NTRK3: variants seen among roughly 807,000 people sequenced by gnomAD.
The protein encoded by NTRK3 is neurotrophic receptor tyrosine kinase 3, also known as NT-3 growth factor receptor.
In NTRK3, 24 loss-of-function variants were observed where a neutral mutation model predicts 91.7. The ratio of observed to expected loss-of-function variants is 0.26; its 90% CI spans 0.19 to 0.37. The LOEUF is 0.37. Among genes scored for constraint, NTRK3 ranks in the 10% least tolerant of loss-of-function variants. The pLI is 1.00. For synonymous variants in NTRK3, 483 were observed against 404.0 expected (o/e 1.20, Z -2.34); for missense variants, 880 against 1,068.9 (o/e 0.82, Z 2.46).
At chr15:87,928,328 G>A (rs1292135075) in intron 17 of NTRK3, 2 of 152,142 alleles carry the variant, frequency 1.3e-5, no homozygotes, top group African/African-American at 4.8e-5. Context: ...GTTTGCAGAA[G>A]TTATCTCTGT....
chr15:88,031,748 C>T (rs1396016132), intron 14 of NTRK3, among the ~76,000 whole-genome samples: 1 of 152,112 alleles, frequency 6.6e-6, no homozygotes, highest in Non-Finnish European at 1.5e-5. Context: ...ATGGGGGTAG[C>T]CCAGTGCCCA....
At chr15:87,968,683 A>G (rs2072997641) in intron 14 of NTRK3, among the ~76,000 whole-genome samples, 1 of 152,066 alleles carries the variant, frequency 6.6e-6, no homozygotes. Context: ...CCAAAAGTTG[A>G]CTCCATGTGT....
At position 88,078,337 on chromosome 15, in the gene NTRK3, G is replaced by A. The variant is rs144175065; in HGVS notation, c.1397-45292C>T. ...CATGGCACGTCCCAACAGGTGCTTCGATAATAGTAAAGTGGGGTTAAAGAA... is the reference window on the plus strand; with the variant it reads ...CATGGCACGTCCCAACAGGTGCTTCAATAATAGTAAAGTGGGGTTAAAGAA... On this transcript the variant is annotated intron_variant, in intron 13 of 18. Coordinates refer to ENST00000394480, the Ensembl canonical transcript of NTRK3. Among the ~76,000 whole-genome samples, 8 of 152,284 alleles carry A rather than the reference G, an allele frequency of 5.3e-5. No homozygotes were observed. The East Asian group carries it at 9.7e-4, about 18-fold the overall frequency.
At chr15:88,041,846 A>G (rs1373691224) in intron 13 of NTRK3, among the ~76,000 whole-genome samples, 3 of 151,560 alleles carry the variant, frequency 2.0e-5, no homozygotes, top group African/African-American at 4.8e-5. Context: ...AAAAAAAAAA[A>G]AAGGGCTTGT....
intron 17 of NTRK3, among the ~76,000 whole-genome samples, chr15:87,892,077 ATC>A (rs2065880408): frequency 1.4e-5 from 1 of 73,324 alleles, no homozygotes; most frequent in Non-Finnish European, 3.2e-5. Context: ...AGTTGCCCCC[ATC>A]CCCAACACAC....
intron 17 of NTRK3, among the ~76,000 whole-genome samples, chr15:87,902,440 T>G (rs939485156): frequency 6.6e-6 from 1 of 152,208 alleles, no homozygotes; most frequent in Non-Finnish European, 1.5e-5. Flanking sequence ...GCCTTGATTG[T>G]TTGGAAATCT....
At position 88,248,516 on chromosome 15, in the gene NTRK3, TTGTG is replaced by T. The variant is rs4034650; in HGVS notation, c.248+7386_248+7389del. Among the ~76,000 whole-genome samples, 184 of 150,488 alleles carry T rather than the reference TTGTG, an allele frequency of 1.2e-3. 1 individual carries two copies. Among genetic ancestry groups the T allele is most frequent in the Middle Eastern group, 3.4e-3 (1 of 294 alleles). On this transcript the variant is annotated intron_variant, in intron 3 of 18. Transcript: ENST00000394480. Reference sequence around the variant, plus strand: ...TATTTTTAACTTAATAGTAATATATTTGTGTGTGTGTGTGTGTGTGTGCATGTGT... The same window carrying T: ...TATTTTTAACTTAATAGTAATATATTTGTGTGTGTGTGTGTGTGCATGTGT...
chr15:88,184,655 A>G (rs144275618), intron 3 of NTRK3, among the ~76,000 whole-genome samples: 55 of 152,202 alleles, frequency 3.6e-4, no homozygotes, highest in African/African-American at 1.3e-3. Context: ...TCTTTTTCCT[A>G]TTCAGAATTT....
At chr15:88,229,138 T>A (rs1448178225) in intron 3 of NTRK3, among the ~76,000 whole-genome samples, 1 of 152,166 alleles carries the variant, frequency 6.6e-6, no homozygotes, top group African/African-American at 2.4e-5. Flanking sequence ...CTAATTTTCA[T>A]CAGAAAAATA....
chr15:88,164,195 C>T (rs1050864125), intron 5 of NTRK3, among the ~76,000 whole-genome samples: 9 of 152,234 alleles, frequency 5.9e-5, no homozygotes, highest in East Asian at 1.9e-4. Context: ...ATTTTCCCCA[C>T]GGTCTTGGCC....
exon 19 of NTRK3, chr15:87,866,192 A>T (rs1354943197): frequency 1.3e-5 from 3 of 223,208 alleles, no homozygotes; most frequent in African/African-American, 6.7e-5. Flanking sequence ...TCTCAGCAGG[A>T]AATAGAAATG....
At chr15:87,998,692 T>A (rs539479204) in intron 14 of NTRK3, among the ~76,000 whole-genome samples, 90 of 152,216 alleles carry the variant, frequency 5.9e-4, no homozygotes, top group African/African-American at 2.2e-3. Context: ...AAACAGCAAA[T>A]AGAGAAACTT....
Position 88,049,205 on chromosome 15 carries a change from G to A in NTRK3, c.1397-16160C>T, listed in dbSNP as rs537730964. 3.3e-4 allele frequency among the ~76,000 whole-genome samples: 50 copies of A among 152,296 alleles called. No homozygotes were observed. The South Asian group carries it at 7.5e-3, about 23-fold the overall frequency. On this transcript the variant is annotated intron_variant, in intron 13 of 18. Transcript: ENST00000394480. ...AAATGGACCGCATGCAAGAGGCATGGAAGTGATGCTTCGAATACTTACATA... is the reference window on the plus strand; with the variant it reads ...AAATGGACCGCATGCAAGAGGCATGAAAGTGATGCTTCGAATACTTACATA...
intron 14 of NTRK3, among the ~76,000 whole-genome samples, chr15:87,990,697 T>G (rs1263511268): frequency 1.3e-5 from 2 of 152,324 alleles, no homozygotes; most frequent in East Asian, 3.9e-4. Flanking sequence ...AATTATTTCC[T>G]GTCTCTTCAA....
chr15:88,073,755 G>A (rs2047290941), intron 13 of NTRK3, among the ~76,000 whole-genome samples: 1 of 152,034 alleles, frequency 6.6e-6, no homozygotes, highest in Non-Finnish European at 1.5e-5. Context: ...AAGCCCTGGG[G>A]GAGGGTCCAG....
At chr15:88,068,835 G>T (rs369072807) in intron 13 of NTRK3, among the ~76,000 whole-genome samples, 1 of 152,126 alleles carries the variant, frequency 6.6e-6, no homozygotes, top group African/African-American at 2.4e-5. Context: ...GCTAACAATG[G>T]GGTTTGTCTC....
At chr15:87,977,882 C>T (rs2073864289) in intron 14 of NTRK3, 1 of 232,708 alleles carries the variant, frequency 4.3e-6, no homozygotes, top group African/African-American at 2.2e-5. Context: ...GGAATCCAAA[C>T]TCCCAGTTAA....
rs965642551 is a variant in NTRK3, at chr15:87,919,959, T to G, written c.2133+9232A>C. Among the ~76,000 whole-genome samples the G allele has an allele frequency of 6.6e-5, 10 of 152,324 alleles. 1 individual carries two copies. The East Asian group carries it at 7.7e-4, about 12-fold the overall frequency. ...ATGTCCCCCTCCTATCCTAAAAAAA[T>G]CAAGTCTTCTTCTCACTTATTATTA... On this transcript the variant is annotated intron_variant, in intron 17 of 18. Transcript: ENST00000394480.
chr15:87,947,323 G>C (rs2070660830), intron 14 of NTRK3, among the ~76,000 whole-genome samples: 1 of 150,476 alleles, frequency 6.6e-6, no homozygotes, highest in East Asian at 1.9e-4. Flanking sequence ...TGAGCAGACT[G>C]TGCCACCTTG....
Sources: gnomAD v4.1 joint callset for allele counts (sites outside exome capture counted in the v4.1 genomes callset) on GRCh38, gnomAD v4.1.1 for gene constraint, MANE v1.5 for transcripts, NCBI Gene and HGNC (gene_info 2026-07-23, HGNC 2026-07-21) for gene names.